Variants in ST7 observed in about 807,000 individuals in gnomAD.
ST7 encodes suppressor of tumorigenicity 7 protein.
A neutral mutation model predicts 78.7 loss-of-function variants in ST7; 28 were observed. The observed-to-expected ratio is 0.36, with a 90% CI of 0.26 to 0.49. ST7 has a LOEUF of 0.49. Among genes scored for constraint, ST7 ranks in the 20% least tolerant of loss-of-function variants. The pLI, the probability that ST7 is intolerant of heterozygous loss-of-function variation, is 0.99. For synonymous variants in ST7, 247 were observed against 249.6 expected (o/e 0.99, Z 0.10); for missense variants, 418 against 696.0 (o/e 0.60, Z 4.49).
intron 1 of ST7, among the ~76,000 whole-genome samples, chr7:117,038,510 C>T (rs1797016970): frequency 6.6e-6 from 1 of 152,090 alleles, no homozygotes; most frequent in African/African-American, 2.4e-5. Flanking sequence ...TTGGTTCTGC[C>T]CTTGACTGGG....
chr7:117,203,298 G>C (rs1427521397), intron 12 of ST7, among the ~76,000 whole-genome samples: 1 of 152,218 alleles, frequency 6.6e-6, no homozygotes, highest in Non-Finnish European at 1.5e-5. Context: ...AGTTCCTAAA[G>C]CCTTCATTTT....
At chr7:117,017,885 A>T (rs1360311476) in intron 1 of ST7, among the ~76,000 whole-genome samples, 1 of 152,164 alleles carries the variant, frequency 6.6e-6, no homozygotes, top group Non-Finnish European at 1.5e-5. Flanking sequence ...TAGGAGTCAG[A>T]GGGTGTGATT....
chr7:116,957,967 C>G (rs1441310560), intron 1 of ST7, among the ~76,000 whole-genome samples: 5 of 152,236 alleles, frequency 3.3e-5, no homozygotes, highest in South Asian at 2.1e-4. Flanking sequence ...AATGTAATAG[C>G]CTGATCTAGG....
chr7:117,037,157 G>T (rs1273850002), intron 1 of ST7, among the ~76,000 whole-genome samples: 14 of 152,120 alleles, frequency 9.2e-5, no homozygotes, highest in Non-Finnish European at 2.1e-4. Flanking sequence ...CTAAACATTG[G>T]TATTTTATAC....
intron 10 of ST7, among the ~76,000 whole-genome samples, chr7:117,178,180 A>G (rs1808481505): frequency 6.6e-6 from 1 of 152,200 alleles, no homozygotes; most frequent in African/African-American, 2.4e-5. Context: ...GAGAGTAAAT[A>G]GGTTAATTTT....
intron 1 of ST7, chr7:117,090,624 G>T (rs2116691943): frequency 1.2e-5 from 2 of 160,504 alleles, no homozygotes; most frequent in South Asian, 2.1e-4. Flanking sequence ...TTTCTTCCTG[G>T]TATTAAATAG....
intron 1 of ST7, among the ~76,000 whole-genome samples, chr7:117,015,395 T>C (rs1253212407): frequency 6.6e-6 from 1 of 152,220 alleles, no homozygotes; most frequent in Non-Finnish European, 1.5e-5. Context: ...GTTTCTGTTA[T>C]TGTGGTGGTG....
At chr7:117,082,149 T>C (rs1022356839) in intron 1 of ST7, among the ~76,000 whole-genome samples, 1 of 152,234 alleles carries the variant, frequency 6.6e-6, no homozygotes, top group Non-Finnish European at 1.5e-5. Flanking sequence ...CAATGGATTG[T>C]GTATTTTAAT....
intron 2 of ST7, among the ~76,000 whole-genome samples, chr7:117,108,452 G>A (rs1802156141): frequency 6.6e-6 from 1 of 152,136 alleles, no homozygotes; most frequent in African/African-American, 2.4e-5. Flanking sequence ...AGGTCTATAT[G>A]CCTGTTTTTA....
At chr7:117,042,681 A>G (rs1797290197) in intron 1 of ST7, among the ~76,000 whole-genome samples, 1 of 152,080 alleles carries the variant, frequency 6.6e-6, no homozygotes, top group Admixed American at 6.6e-5. Flanking sequence ...ATGTAGTCAG[A>G]TTTATAAATT....
Position 117,094,462 on chromosome 7 carries a change from G to A in ST7, c.152-5300G>A, listed in dbSNP as rs147403901. On this transcript the variant is annotated intron_variant, in intron 1 of 15. Transcript: ENST00000323984. Reference sequence around the variant, plus strand: ...GTGCCCTGTCCCTTATAATTTCCTCGTGTGTCCTTTCCCATTTGCTTATCC... The same window carrying A: ...GTGCCCTGTCCCTTATAATTTCCTCATGTGTCCTTTCCCATTTGCTTATCC... Among the ~76,000 whole-genome samples the A allele has an allele frequency of 9.8e-4, 149 of 152,162 alleles. 1 individual carries two copies. Among genetic ancestry groups the A allele is most frequent in the Middle Eastern group, 3.4e-3 (1 of 294 alleles).
chr7:117,090,781 C>T (rs1800549233), intron 1 of ST7: 1 of 166,838 alleles, frequency 6.0e-6, no homozygotes, highest in Non-Finnish European at 1.5e-5. Flanking sequence ...TTTCCTGTAA[C>T]TAAAAGGGAA....
intron 1 of ST7, among the ~76,000 whole-genome samples, chr7:117,005,634 C>T (rs1012399507): frequency 2.0e-5 from 3 of 152,090 alleles, no homozygotes; most frequent in Non-Finnish European, 4.4e-5. Flanking sequence ...ACAATGACTA[C>T]CATGGACCAC....
rs920018761 is a variant in ST7 at position 117,083,699 on chromosome 7, A to T, written c.152-16063A>T. 1.6e-4 allele frequency among the ~76,000 whole-genome samples: 25 copies of T among 152,296 alleles called. 1 individual carries two copies. The Middle Eastern group carries it at 0.01, about 62-fold the overall frequency. Reference sequence around the variant, plus strand: ...AGAGTTATGATATATATTTTATATGATTATATAGCATGACTTATTAAATAT... The same window carrying T: ...AGAGTTATGATATATATTTTATATGTTTATATAGCATGACTTATTAAATAT... On this transcript the variant is annotated intron_variant, in intron 1 of 15. Coordinates refer to ENST00000323984, the MANE Select transcript of ST7 (RefSeq NM_001369598.1).
intron 2 of ST7, among the ~76,000 whole-genome samples, chr7:117,105,480 C>G (rs1399217696): frequency 1.3e-5 from 2 of 152,148 alleles, no homozygotes; most frequent in Non-Finnish European, 2.9e-5. Context: ...TGGAGTCTCC[C>G]TATATTGCCC....
chr7:117,137,341 C>A (rs1201953262), intron 8 of ST7: 3 of 152,064 alleles, frequency 2.0e-5, no homozygotes, highest in Non-Finnish European at 2.9e-5. Context: ...CTCTAATCAC[C>A]ATCTATGTCT....
At chr7:116,994,192 C>T (rs1002074278) in intron 1 of ST7, among the ~76,000 whole-genome samples, 2 of 152,160 alleles carry the variant, frequency 1.3e-5, no homozygotes, top group East Asian at 1.9e-4. Context: ...TGGCAATCAC[C>T]GTTCTACTTT....
Position 117,116,469 on chromosome 7 carries a change from G to A in ST7, c.235-3092G>A, listed in dbSNP as rs78850026. The stretch of plus-strand genomic sequence containing the variant: ...CTGTGCAGCTCTTTTAAAATACTGT[G>A]AGGTGCTCGCCCAAAGCCTGACATA... On this transcript the variant is annotated intron_variant, in intron 2 of 15. Coordinates refer to ENST00000323984, the MANE Select transcript of ST7 (RefSeq NM_001369598.1). Among the ~76,000 whole-genome samples the A allele has an allele frequency of 6.6e-3, 1,011 of 152,256 alleles. 12 individuals are homozygous for A. Among genetic ancestry groups the A allele is most frequent in the African/African-American group, 0.022 (909 of 41,526 alleles).
intron 9 of ST7, among the ~76,000 whole-genome samples, chr7:117,148,347 C>T (rs1368548865): frequency 6.6e-6 from 1 of 151,990 alleles, no homozygotes; most frequent in Non-Finnish European, 1.5e-5. Context: ...TCATATTTAA[C>T]TGGTTTATTG....
Sources: gnomAD v4.1 joint callset for allele counts (sites outside exome capture counted in the v4.1 genomes callset) on GRCh38, gnomAD v4.1.1 for gene constraint, MANE v1.5 for transcripts, NCBI Gene and HGNC (gene_info 2026-07-23, HGNC 2026-07-21) for gene names.